The following EXT1 variants were observed in gnomAD, a reference collection of about 807,000 sequenced individuals.
EXT1 encodes exostosin-1.
In EXT1, 20 loss-of-function variants were observed where a neutral mutation model predicts 82.5. That is an observed-to-expected ratio of 0.24 (90% CI 0.17 to 0.35). The LOEUF is 0.35. Ranked by LOEUF, EXT1 falls within the 10% of genes least tolerant of loss-of-function variation. The pLI is 1.00. For synonymous variants in EXT1, 348 were observed against 350.8 expected (o/e 0.99, Z 0.09); for missense variants, 757 against 936.5 (o/e 0.81, Z 2.50).
chr8:117,844,023 C>T (rs958344409), intron 1 of EXT1, among the ~76,000 whole-genome samples: 8 of 152,098 alleles, frequency 5.3e-5, no homozygotes, highest in Non-Finnish European at 1.5e-5. Flanking sequence ...AACTTCACCC[C>T]AGATCACTAC....
At chr8:118,062,455 T>A (rs1488296893) in intron 1 of EXT1, among the ~76,000 whole-genome samples, 1 of 152,178 alleles carries the variant, frequency 6.6e-6, no homozygotes, top group Non-Finnish European at 1.5e-5. Context: ...AGGCCAGCCT[T>A]ACGTGGACAC....
At chr8:118,025,152 G>C (rs1251709816) in intron 1 of EXT1, among the ~76,000 whole-genome samples, 1 of 152,182 alleles carries the variant, frequency 6.6e-6, no homozygotes, top group Non-Finnish European at 1.5e-5. Context: ...AGGGACAGGA[G>C]TCATTTGCTA....
intron 2 of EXT1, among the ~76,000 whole-genome samples, chr8:117,836,881 C>T (rs1812196200): frequency 6.6e-6 from 1 of 152,174 alleles, no homozygotes; most frequent in African/African-American, 2.4e-5. Flanking sequence ...CTAAACATGA[C>T]CCAGAAGAAT....
chr8:117,973,501 C>T (rs2129746611), intron 1 of EXT1, among the ~76,000 whole-genome samples: 2 of 152,254 alleles, frequency 1.3e-5, no homozygotes, highest in Admixed American at 1.3e-4. Flanking sequence ...CACAGGGCCT[C>T]TACATCTTTT....
At chr8:117,870,439 G>A (rs1392223907) in intron 1 of EXT1, among the ~76,000 whole-genome samples, 1 of 152,172 alleles carries the variant, frequency 6.6e-6, no homozygotes, top group African/African-American at 2.4e-5. Flanking sequence ...ATACAAAGGT[G>A]ATCCTCTGAG....
At chr8:117,871,041 A>G (rs988392279) in intron 1 of EXT1, among the ~76,000 whole-genome samples, 2 of 152,158 alleles carry the variant, frequency 1.3e-5, no homozygotes, top group Non-Finnish European at 2.9e-5. Flanking sequence ...AAAAGGGCTG[A>G]TCTCTAACTC....
chr8:117,818,143 C>A (rs113070602), intron 7 of EXT1, among the ~76,000 whole-genome samples: 5 of 152,212 alleles, frequency 3.3e-5, no homozygotes, highest in African/African-American at 1.2e-4. Context: ...TAACAGCAAC[C>A]CTACAAGGTA....
chr8:118,073,028 C>G (rs1231227425), intron 1 of EXT1, among the ~76,000 whole-genome samples: 1 of 152,174 alleles, frequency 6.6e-6, no homozygotes, highest in Non-Finnish European at 1.5e-5. Context: ...TACTGGACTT[C>G]AGGGGCAGAT....
chr8:117,881,823 C>G (rs1010646337), intron 1 of EXT1, among the ~76,000 whole-genome samples: 1 of 152,158 alleles, frequency 6.6e-6, no homozygotes, highest in Non-Finnish European at 1.5e-5. Context: ...CCTGAAAAGT[C>G]AGAAGGAAAC....
chr8:117,921,836 C>A (rs1813862977), intron 1 of EXT1, among the ~76,000 whole-genome samples: 1 of 152,146 alleles, frequency 6.6e-6, no homozygotes, highest in African/African-American at 2.4e-5. Context: ...CACATAGACA[C>A]AATTATCCTT....
intron 1 of EXT1, among the ~76,000 whole-genome samples, chr8:117,942,192 C>T (rs1192774714): frequency 6.6e-6 from 1 of 152,212 alleles, no homozygotes. Flanking sequence ...TCTATTAAGT[C>T]TGTAACCCAA....
chr8:118,074,464 C>T (rs996094537), intron 1 of EXT1, among the ~76,000 whole-genome samples: 2 of 152,112 alleles, frequency 1.3e-5, no homozygotes, highest in Non-Finnish European at 2.9e-5. Flanking sequence ...GTGGTGCAGG[C>T]AGAGGGCGCG....
rs986973680 is a variant in EXT1, at chr8:118,020,844, T to C, written c.962+89241A>G. On this transcript the variant is annotated intron_variant, in intron 1 of 10. Coordinates refer to ENST00000378204, the MANE Select transcript of EXT1 (RefSeq NM_000127.3). ...ACCAAGACAGTAATACCCACCCTCC[T>C]TCTAACTTTAATGGGTAGTTACACA... Among the ~76,000 whole-genome samples the C allele has an allele frequency of 1.6e-4, 24 of 152,198 alleles. 1 individual carries two copies. The highest frequency in any genetic ancestry group is 5.6e-4 in the African/African-American group (23 of 41,434).
chr8:117,993,033 CA>C (rs1209828657), intron 1 of EXT1, among the ~76,000 whole-genome samples: 2 of 152,224 alleles, frequency 1.3e-5, no homozygotes, highest in Non-Finnish European at 2.9e-5. Flanking sequence ...ACCCAAATTA[CA>C]TTCATTCTTT....
intron 4 of EXT1, among the ~76,000 whole-genome samples, chr8:117,826,577 G>A (rs1200270033): frequency 6.6e-6 from 1 of 152,134 alleles, no homozygotes; most frequent in Non-Finnish European, 1.5e-5. Flanking sequence ...TGTATCTGTG[G>A]ATGGCATTTT....
At chr8:117,951,175 G>T (rs1814484426) in intron 1 of EXT1, among the ~76,000 whole-genome samples, 1 of 152,154 alleles carries the variant, frequency 6.6e-6, no homozygotes, top group Non-Finnish European at 1.5e-5. Context: ...TATCGTGACT[G>T]GTTATTTTAA....
chr8:117,853,968 G>T (rs372846575), intron 1 of EXT1, among the ~76,000 whole-genome samples: 2 of 152,254 alleles, frequency 1.3e-5, no homozygotes, highest in Non-Finnish European at 2.9e-5. Context: ...CTTCTGCTGG[G>T]ATGGTACACT....
At chr8:118,036,739 G>A (rs565736476) in intron 1 of EXT1, among the ~76,000 whole-genome samples, 4 of 152,128 alleles carry the variant, frequency 2.6e-5, no homozygotes, top group African/African-American at 9.6e-5. Context: ...TGAACAGGAG[G>A]CCCTTCATTG....
chr8:118,016,275 C>A (rs1237850966), intron 1 of EXT1, among the ~76,000 whole-genome samples: 1 of 152,194 alleles, frequency 6.6e-6, no homozygotes. Context: ...CACCTGTAAT[C>A]CCAGCTACTT....
Sources: gnomAD v4.1 joint callset for allele counts (sites outside exome capture counted in the v4.1 genomes callset) on GRCh38, gnomAD v4.1.1 for gene constraint, MANE v1.5 for transcripts, NCBI Gene and HGNC (gene_info 2026-07-23, HGNC 2026-07-21) for gene names.